TENM1: variants seen among roughly 807,000 people sequenced by gnomAD.
TENM1 encodes teneurin-1.
A neutral mutation model predicts 174.8 loss-of-function variants in TENM1; 35 were observed. That is an observed-to-expected ratio of 0.20 (90% CI 0.15 to 0.27). The LOEUF (loss-of-function observed/expected upper bound fraction) is 0.27. TENM1 is among the 10% of genes least tolerant of loss of function. TENM1 has a pLI of 1.00. For synonymous variants in TENM1, 781 were observed against 798.7 expected, an observed-to-expected ratio of 0.98 and a Z score of 0.37; for missense variants, 1,633 against 2,130.1, an observed-to-expected ratio of 0.77 and a Z score of 4.59.
At chrX:124,461,033 C>T (rs1179819324) in intron 22 of TENM1, among the ~76,000 whole-genome samples, 1 of 112,329 alleles carries the variant, frequency 8.9e-6, no homozygotes, top group African/African-American at 3.2e-5. Context: ...ATCTCTTAGA[C>T]TTCTTCAGAA....
the TENM1 span, among the ~76,000 whole-genome samples, chrX:124,989,102 A>G: frequency 1.8e-5 from 2 of 111,620 alleles, no homozygotes; most frequent in Non-Finnish European, 3.8e-5. Context: ...CAGATTTTTA[A>G]GAAGGAAATA....
At chrX:125,078,798 T>C in the TENM1 span, among the ~76,000 whole-genome samples, 6 of 111,789 alleles carry the variant, frequency 5.4e-5, no homozygotes, top group Non-Finnish European at 1.1e-4. Context: ...AACATGAGCA[T>C]TGACATGAAA....
chrX:124,636,312 A>C (rs918899825), intron 11 of TENM1, among the ~76,000 whole-genome samples: 2 of 112,122 alleles, frequency 1.8e-5, no homozygotes, highest in African/African-American at 3.2e-5. Context: ...AAATCACAGA[A>C]GGACTATTCC....
chrX:124,616,673 T>C (rs1270910917), intron 11 of TENM1, among the ~76,000 whole-genome samples: 1 of 112,672 alleles, frequency 8.9e-6, no homozygotes, highest in East Asian at 2.8e-4. Flanking sequence ...CTGGACCCTC[T>C]AGAACTTGAG....
chrX:125,074,540 C>T, the TENM1 span, among the ~76,000 whole-genome samples: 3 of 110,960 alleles, frequency 2.7e-5, no homozygotes, highest in Non-Finnish European at 5.7e-5. Context: ...CACTGCTCCT[C>T]GACAAAAGCC....
At chrX:124,811,586 C>T (rs1014208246) in intron 3 of TENM1, among the ~76,000 whole-genome samples, 5 of 111,493 alleles carry the variant, frequency 4.5e-5, no homozygotes, top group Non-Finnish European at 7.6e-5. Context: ...TTAGTACAGT[C>T]ATTATGAAAA....
chrX:124,602,259 C>T (rs1284412201), intron 11 of TENM1, among the ~76,000 whole-genome samples: 25 of 110,724 alleles, frequency 2.3e-4, no homozygotes, highest in Admixed American at 2.0e-3. Context: ...TGTGTTTCTA[C>T]GTGAGCTGCT....
At chrX:125,005,080 A>G in the TENM1 span, among the ~76,000 whole-genome samples, 1 of 109,636 alleles carries the variant, frequency 9.1e-6, no homozygotes, top group Non-Finnish European at 1.9e-5. Context: ...TCCTCTTTCC[A>G]GAAAACTAAA....
chrX:125,103,611 T>C, the TENM1 span, among the ~76,000 whole-genome samples: 1 of 112,590 alleles, frequency 8.9e-6, no homozygotes, highest in Non-Finnish European at 1.9e-5. Flanking sequence ...AAGATTCATA[T>C]AAAGATTCAT....
chrX:124,424,286 G>T (rs1244358107), intron 23 of TENM1, among the ~76,000 whole-genome samples: 2 of 112,142 alleles, frequency 1.8e-5, no homozygotes, highest in African/African-American at 6.5e-5. Flanking sequence ...TGGAGGTGGG[G>T]CCATATCCAT....
chrX:124,422,178 A>G (rs2147748577), intron 24 of TENM1, 94 bp downstream of exon 27: 1 of 1,064,498 alleles, frequency 9.4e-7, no homozygotes, highest in Non-Finnish European at 1.3e-6. Flanking sequence ...TGCAAGTAAC[A>G]CTTTGCTTTT....
chrX:125,183,395 T>C, the TENM1 span, among the ~76,000 whole-genome samples: 1 of 111,760 alleles, frequency 8.9e-6, no homozygotes, highest in East Asian at 2.8e-4. Context: ...TGTGCCCAAG[T>C]TGTTACTGCT....
chrX:124,645,444 C>A, intron 9 of TENM1, 107 bp from the exon 13 acceptor site: 1 of 711,424 alleles, frequency 1.4e-6, no homozygotes, highest in Non-Finnish European at 2.1e-6. Flanking sequence ...TGTACTATTT[C>A]TGTCTTACCC....
At position 124,533,634 on chromosome X, in the gene TENM1, G is replaced by A. The variant is rs143431521; in HGVS notation, c.2652-3651C>T. The stretch of plus-strand genomic sequence containing the variant: ...CACATCAAAACTACCTTCAACCTGA[G>A]TTTTGGTCCTTAAAAATTTGTCTTT... On this transcript the variant is annotated intron_variant, in intron 15 of 31. Coordinates refer to ENST00000422452, the Ensembl canonical transcript of TENM1. 5.3e-3 allele frequency among the ~76,000 whole-genome samples: 592 copies of A among 111,630 alleles called. 4 individuals are homozygous for A. Among genetic ancestry groups the A allele is most frequent in the African/African-American group, 0.018 (562 of 30,723 alleles).
chrX:124,751,852 C>T (rs1357204173), intron 3 of TENM1, among the ~76,000 whole-genome samples: 14 of 110,217 alleles, frequency 1.3e-4, no homozygotes, highest in Non-Finnish European at 1.9e-4. Flanking sequence ...TAGTATTCCA[C>T]GGTGAATATG....
intron 3 of TENM1, among the ~76,000 whole-genome samples, chrX:124,882,958 T>A (rs1174886551): frequency 8.9e-6 from 1 of 112,161 alleles, no homozygotes; most frequent in Non-Finnish European, 1.9e-5. Flanking sequence ...ATTGTAGAGA[T>A]CTTTCACCTC....
At chrX:125,160,791 T>C in the TENM1 span, among the ~76,000 whole-genome samples, 1 of 109,224 alleles carries the variant, frequency 9.2e-6, no homozygotes, top group African/African-American at 3.3e-5. Flanking sequence ...TAACAACTGT[T>C]ATAGAGGATG....
chrX:125,196,077 AT>A, the TENM1 span, among the ~76,000 whole-genome samples: 1 of 110,651 alleles, frequency 9.0e-6, no homozygotes, highest in Admixed American at 9.6e-5. Context: ...TTTATTGATA[AT>A]TTAAAATGTA....
At chrX:125,102,665 T>C in the TENM1 span, among the ~76,000 whole-genome samples, 1 of 112,328 alleles carries the variant, frequency 8.9e-6, no homozygotes, top group South Asian at 3.7e-4. Flanking sequence ...TAATGACCTG[T>C]TCTTTGCCAA....
Sources: gnomAD v4.1 joint callset for allele counts (sites outside exome capture counted in the v4.1 genomes callset) on GRCh38, gnomAD v4.1.1 for gene constraint, MANE v1.5 for transcripts, NCBI Gene and HGNC (gene_info 2026-07-23, HGNC 2026-07-21) for gene names.